The following PDS5B variants were observed in gnomAD, a reference collection of about 807,000 sequenced individuals.
PDS5B encodes the protein PDS5 cohesin associated factor B.
PDS5B carries 51 observed loss-of-function variants against 184.1 expected under a neutral mutation model. That is an observed-to-expected ratio of 0.28 (90% CI 0.22 to 0.35). The LOEUF (loss-of-function observed/expected upper bound fraction) is 0.35, where lower values mean the gene tolerates loss of function less well. PDS5B is among the 10% of genes least tolerant of loss of function. The pLI is 1.00. For missense variants in PDS5B, 1,180 were observed against 1,723.3 expected (o/e 0.68, Z 5.58); for synonymous variants, 566 against 569.2 (o/e 0.99, Z 0.08).
At chr13:32,717,751 G>A (rs1952518409) in intron 19 of PDS5B, among the ~76,000 whole-genome samples, 1 of 142,054 alleles carries the variant, frequency 7.0e-6, no homozygotes, top group Admixed American at 7.0e-5. Context: ...AATGTAAGTT[G>A]TGTCTTGAGG....
chr13:32,593,410 G>T (rs1486962927), intron 1 of PDS5B, among the ~76,000 whole-genome samples: 1 of 152,124 alleles, frequency 6.6e-6, no homozygotes, highest in Non-Finnish European at 1.5e-5. Flanking sequence ...GCACGATCTC[G>T]GCTCACTGCA....
At chr13:32,611,208 C>G (rs1183233684) in intron 1 of PDS5B, among the ~76,000 whole-genome samples, 3 of 151,984 alleles carry the variant, frequency 2.0e-5, no homozygotes, top group Non-Finnish European at 2.9e-5. Flanking sequence ...TATGTTACTC[C>G]CAAATCAGCA....
intron 1 of PDS5B, among the ~76,000 whole-genome samples, chr13:32,646,532 A>T (rs542977151): frequency 1.1e-4 from 17 of 151,250 alleles, no homozygotes; most frequent in African/African-American, 4.1e-4. Flanking sequence ...ATACGTTTCT[A>T]TTGAGTAAAT....
At chr13:32,719,792 C>CGGGGG (rs1555309612) in intron 19 of PDS5B, among the ~76,000 whole-genome samples, 1 of 143,050 alleles carries the variant, frequency 7.0e-6, no homozygotes, top group East Asian at 2.1e-4. Flanking sequence ...ACCCCCCCCC[C>CGGGGG]TTTTTTTTTT....
At chr13:32,683,728 C>A in intron 10 of PDS5B, 150 bp from the exon 11 acceptor site, 1 of 523,768 alleles carries the variant, frequency 1.9e-6, no homozygotes, top group Non-Finnish European at 3.3e-6. Context: ...AATCTTCTTT[C>A]TTCCTTCCCT....
intron 21 of PDS5B, among the ~76,000 whole-genome samples, chr13:32,740,700 A>G (rs1193824816): frequency 1.3e-5 from 2 of 151,184 alleles, no homozygotes; most frequent in Non-Finnish European, 2.9e-5. Context: ...TTTTTTTTAT[A>G]CCTTTCTTCT....
intron 1 of PDS5B, among the ~76,000 whole-genome samples, chr13:32,587,381 C>G (rs973597393): frequency 1.3e-5 from 2 of 152,186 alleles, no homozygotes; most frequent in Non-Finnish European, 2.9e-5. Context: ...TTCTAGCTTT[C>G]CTTTCAGAAG....
intron 1 of PDS5B, among the ~76,000 whole-genome samples, chr13:32,646,882 A>G (rs879550687): frequency 5.9e-5 from 9 of 152,016 alleles, no homozygotes; most frequent in Admixed American, 5.2e-4. Flanking sequence ...AAACTTCTAG[A>G]TTTGCAGTTA....
At chr13:32,669,077 TG>T (rs1237513559) in intron 7 of PDS5B, among the ~76,000 whole-genome samples, 2 of 152,170 alleles carry the variant, frequency 1.3e-5, no homozygotes, top group African/African-American at 4.8e-5. Flanking sequence ...GGGTACTGGC[TG>T]AAATAAATTG....
At position 32,721,604 on chromosome 13, in the gene PDS5B, C is replaced by T. The variant is rs189146071; in HGVS notation, c.2124-10497C>T. Among the ~76,000 whole-genome samples the T allele has an allele frequency of 1.1e-3, 145 of 134,904 alleles. 2 individuals are homozygous for T. The highest frequency in any genetic ancestry group is 4.5e-3 in the Admixed American group (60 of 13,396). 88.5% of individuals were successfully genotyped at this position (134,904 alleles called of 152,430 possible). The stretch of plus-strand genomic sequence containing the variant: ...GTAGAGACGCTCCTCACCTCCCAGA[C>T]GGGGCAGCCGGGCAGAGGTGCTCCT... On this transcript the variant is annotated intron_variant, in intron 19 of 34. Transcript: ENST00000315596.
At chr13:32,750,865 G>GTT (rs1555316538) in intron 24 of PDS5B, among the ~76,000 whole-genome samples, 1 of 151,688 alleles carries the variant, frequency 6.6e-6, no homozygotes, top group African/African-American at 2.4e-5. Flanking sequence ...GTGTGTGTGT[G>GTT]TGTGTGTGTG....
intron 3 of PDS5B, among the ~76,000 whole-genome samples, chr13:32,652,816 T>C (rs971928972): frequency 2.6e-5 from 4 of 151,068 alleles, no homozygotes; most frequent in African/African-American, 4.9e-5. Flanking sequence ...AAAAGACATG[T>C]GGTACTTGGT....
At chr13:32,634,057 T>A (rs2058500146) in intron 1 of PDS5B, among the ~76,000 whole-genome samples, 1 of 152,216 alleles carries the variant, frequency 6.6e-6, no homozygotes, top group Admixed American at 6.5e-5. Flanking sequence ...TCTTATGTTA[T>A]CTTCCAGTTG....
chr13:32,611,731 A>T (rs2058145421), intron 1 of PDS5B, among the ~76,000 whole-genome samples: 1 of 149,550 alleles, frequency 6.7e-6, no homozygotes, highest in Non-Finnish European at 1.5e-5. Flanking sequence ...CTGGTCTTGA[A>T]CTCCTGGGCT....
At chr13:32,759,015 G>C (rs1566418800) in intron 28 of PDS5B, among the ~76,000 whole-genome samples, 1 of 152,084 alleles carries the variant, frequency 6.6e-6, no homozygotes, top group Non-Finnish European at 1.5e-5. Flanking sequence ...AACAAGCAGA[G>C]AACAGACACT....
At chr13:32,682,387 C>G (rs914225408) in intron 10 of PDS5B, among the ~76,000 whole-genome samples, 23 of 152,134 alleles carry the variant, frequency 1.5e-4, no homozygotes, top group African/African-American at 5.1e-4. Context: ...ACAATGTGTA[C>G]TATTCTTTTT....
intron 9 of PDS5B, 38 bp downstream of exon 9, chr13:32,675,997 T>G: frequency 1.8e-6 from 2 of 1,137,146 alleles, no homozygotes; most frequent in Non-Finnish European, 1.3e-6. Flanking sequence ...AGTAATACAT[T>G]ATTCTACTGA....
chr13:32,708,142 C>G (rs757065279), intron 18 of PDS5B, among the ~76,000 whole-genome samples: 2 of 152,158 alleles, frequency 1.3e-5, no homozygotes, highest in Non-Finnish European at 2.9e-5. Context: ...TAAAACTGCC[C>G]TGAGCTACAA....
chr13:32,616,118 A>G (rs149907961), intron 1 of PDS5B, among the ~76,000 whole-genome samples: 2,895 of 151,248 alleles, frequency 0.019, 43 homozygotes, highest in Middle Eastern at 0.044. Context: ...CAATGGCGCG[A>G]TCTTGGCTCA....
Sources: allele counts gnomAD v4.1 joint callset (sites outside exome capture counted in the v4.1 genomes callset), GRCh38; gene constraint gnomAD v4.1.1; transcripts MANE v1.5; gene names NCBI Gene and HGNC (gene_info 2026-07-23, HGNC 2026-07-21).